STIM2: variants seen among roughly 807,000 people sequenced by gnomAD.
STIM2 encodes the protein stromal interaction molecule 2.
A neutral mutation model predicts 85.8 loss-of-function variants in STIM2; 31 were observed. The ratio of observed to expected loss-of-function variants is 0.36; its 90% CI spans 0.27 to 0.49. The LOEUF is 0.49. Among genes scored for constraint, STIM2 ranks in the 20% least tolerant of loss-of-function variants. The pLI, the probability that STIM2 is intolerant of heterozygous loss-of-function variation, is 0.98. For synonymous variants in STIM2, 356 were observed against 331.1 expected, an observed-to-expected ratio of 1.08 and a Z score of -0.82; for missense variants, 841 against 927.6, an observed-to-expected ratio of 0.91 and a Z score of 1.21.
chr4:26,938,034 A>AT (rs1260755216), intron 2 of STIM2, among the ~76,000 whole-genome samples: 1 of 152,004 alleles, frequency 6.6e-6, no homozygotes, highest in Non-Finnish European at 1.5e-5. Flanking sequence ...AATAATTTAA[A>AT]TAGCTTAAAT....
intron 3 of STIM2, among the ~76,000 whole-genome samples, chr4:26,975,922 G>A (rs1727167354): frequency 6.6e-6 from 1 of 152,186 alleles, no homozygotes; most frequent in Non-Finnish European, 1.5e-5. Context: ...CAGCTACCAG[G>A]CTGCTTTGTT....
chr4:26,916,955 A>C (rs976347645), intron 1 of STIM2, among the ~76,000 whole-genome samples: 2 of 152,098 alleles, frequency 1.3e-5, no homozygotes, highest in African/African-American at 4.8e-5. Flanking sequence ...TTTAATTCCT[A>C]ATGCCTGTCA....
intron 1 of STIM2, among the ~76,000 whole-genome samples, chr4:26,912,489 C>G (rs1724382087): frequency 6.6e-6 from 1 of 152,104 alleles, no homozygotes; most frequent in African/African-American, 2.4e-5. Flanking sequence ...ACTAGGATGA[C>G]AAAGTATAGA....
At chr4:26,951,315 C>G (rs1560217566) in intron 2 of STIM2, among the ~76,000 whole-genome samples, 1 of 152,150 alleles carries the variant, frequency 6.6e-6, no homozygotes, top group Non-Finnish European at 1.5e-5. Flanking sequence ...CTAGTTTGTA[C>G]TCCCACAGAT....
chr4:26,882,313 TAA>T (rs1173730624), intron 1 of STIM2, among the ~76,000 whole-genome samples: 9 of 152,220 alleles, frequency 5.9e-5, no homozygotes, highest in African/African-American at 9.6e-5. Flanking sequence ...TCCAGTTTTG[TAA>T]AGTTTCAGTT....
intron 1 of STIM2, among the ~76,000 whole-genome samples, chr4:26,892,183 T>G (rs780389556): frequency 6.6e-6 from 1 of 152,240 alleles, no homozygotes; most frequent in Non-Finnish European, 1.5e-5. Context: ...GTCTTGGGTA[T>G]ATCTTTATCA....
At chr4:27,016,884 T>G (rs1007483544) in intron 10 of STIM2, among the ~76,000 whole-genome samples, 7 of 152,188 alleles carry the variant, frequency 4.6e-5, no homozygotes, top group African/African-American at 1.7e-4. Flanking sequence ...TAGTGTTCGC[T>G]TCAGCAGGAA....
chr4:26,888,844 A>G (rs1311803309), intron 1 of STIM2, among the ~76,000 whole-genome samples: 1 of 152,322 alleles, frequency 6.6e-6, no homozygotes, highest in East Asian at 1.9e-4. Flanking sequence ...TTCTGGACTT[A>G]GTCTTTCATA....
At chr4:26,994,021 T>C (rs115391798) in intron 3 of STIM2, among the ~76,000 whole-genome samples, 1 of 152,038 alleles carries the variant, frequency 6.6e-6, no homozygotes, top group African/African-American at 2.4e-5. Flanking sequence ...GAGATGCTAG[T>C]TATTTTATTC....
At chr4:26,919,655 C>G in intron 2 of STIM2, 21 bp downstream of exon 2, 1 of 1,612,698 alleles carries the variant, frequency 6.2e-7, no homozygotes, top group East Asian at 2.2e-5. Context: ...AAATGTTTTC[C>G]TTGCTATTGT....
chr4:26,930,691 A>G (rs183102004), intron 2 of STIM2, among the ~76,000 whole-genome samples: 2 of 152,290 alleles, frequency 1.3e-5, no homozygotes, highest in East Asian at 1.9e-4. Context: ...AAAATAGGCA[A>G]AATTAGGATT....
At chr4:26,982,425 T>G (rs1035126257) in intron 3 of STIM2, among the ~76,000 whole-genome samples, 7 of 152,224 alleles carry the variant, frequency 4.6e-5, no homozygotes, top group Non-Finnish European at 1.0e-4. Context: ...TTATATCCTT[T>G]CTAACTGGCT....
intron 2 of STIM2, among the ~76,000 whole-genome samples, chr4:26,927,537 G>A (rs1252679698): frequency 2.9e-4 from 17 of 59,414 alleles, no homozygotes; most frequent in South Asian, 1.3e-3. Flanking sequence ...TGGTGGGGTC[G>A]GGGGAGGGGG....
chr4:26,899,296 A>G (rs1487437007), intron 1 of STIM2, among the ~76,000 whole-genome samples: 1 of 152,044 alleles, frequency 6.6e-6, no homozygotes, highest in Non-Finnish European at 1.5e-5. Context: ...GTCATGATGT[A>G]TTATTATCCT....
chr4:26,928,337 A>G (rs1256067089), intron 2 of STIM2, among the ~76,000 whole-genome samples: 1 of 152,208 alleles, frequency 6.6e-6, no homozygotes, highest in Non-Finnish European at 1.5e-5. Flanking sequence ...AAAATAGCAG[A>G]AATCCACATT....
At chr4:26,908,977 A>G (rs1724231841) in intron 1 of STIM2, among the ~76,000 whole-genome samples, 1 of 152,194 alleles carries the variant, frequency 6.6e-6, no homozygotes, top group African/African-American at 2.4e-5. Context: ...ACTTTGGGAA[A>G]TTGAGGCATG....
intron 3 of STIM2, among the ~76,000 whole-genome samples, chr4:26,964,741 G>C (rs1287087840): frequency 6.6e-6 from 1 of 152,128 alleles, no homozygotes; most frequent in Non-Finnish European, 1.5e-5. Context: ...TGTGTTCTCT[G>C]TCCTCCACCC....
At chr4:26,969,905 T>A (rs189560878) in intron 3 of STIM2, among the ~76,000 whole-genome samples, 54 of 152,270 alleles carry the variant, frequency 3.5e-4, no homozygotes, top group African/African-American at 1.3e-3. Context: ...CATAACTGAT[T>A]GTTCAACATG....
intron 1 of STIM2, among the ~76,000 whole-genome samples, chr4:26,919,049 G>C (rs898446220): frequency 2.0e-5 from 3 of 151,202 alleles, no homozygotes; most frequent in African/African-American, 7.3e-5. Flanking sequence ...CCCTTTTTTT[G>C]GTGATATTTT....
Sources: gnomAD v4.1 joint callset for allele counts (sites outside exome capture counted in the v4.1 genomes callset) on GRCh38, gnomAD v4.1.1 for gene constraint, MANE v1.5 for transcripts, NCBI Gene and HGNC (gene_info 2026-07-23, HGNC 2026-07-21) for gene names.